The following CHEK2 variants were observed in gnomAD, a reference collection of about 807,000 sequenced individuals.
CHEK2 encodes checkpoint kinase 2.
Under a neutral mutation model 69.1 loss-of-function variants are expected in CHEK2, and 71 were observed. The ratio of observed to expected loss-of-function variants is 1.03; its 90% CI spans 0.85 to 1.25. The LOEUF is 1.25. Among genes scored for constraint, CHEK2 ranks in the 50% most tolerant of loss-of-function variants. The pLI, the probability that CHEK2 is intolerant of heterozygous loss-of-function variation, is 0.00. For synonymous variants in CHEK2, 189 were observed against 226.9 expected, an observed-to-expected ratio of 0.83 and a Z score of 1.50; for missense variants, 664 against 649.6, an observed-to-expected ratio of 1.02 and a Z score of -0.24.
chr22:28,731,313 C>G (rs1455913034), intron 2 of CHEK2, among the ~76,000 whole-genome samples: 1 of 152,060 alleles, frequency 6.6e-6, no homozygotes, highest in African/African-American at 2.4e-5. Context: ...TAATAAACAG[C>G]CTCGGCCAGA....
intron 14 of CHEK2, 85 bp from the exon 15 acceptor site, chr22:28,688,071 G>T: frequency 9.5e-7 from 1 of 1,047,666 alleles, no homozygotes; most frequent in Non-Finnish European, 1.4e-6. Context: ...TATGCTTCCA[G>T]TAAAGTGGGG....
intron 4 of CHEK2, among the ~76,000 whole-genome samples, chr22:28,724,268 T>G (rs2053907453): frequency 6.6e-6 from 1 of 151,314 alleles, no homozygotes; most frequent in African/African-American, 2.4e-5. Flanking sequence ...ATTAGATGGG[T>G]GTGGTGGCAG....
rs1175957439 is a variant in CHEK2 at position 28,687,920 on chromosome 22, C to T, written c.1609G>A (p.Ala537Thr). The T allele has an allele frequency of 6.3e-7, 1 of 1,596,284 alleles. No homozygotes were observed. The highest frequency in any genetic ancestry group is 1.3e-5 in the African/African-American group (1 of 74,848). ...AEGAETTKRP[A>T]VCAAVL ...GTTCACAACACAGCAGCACACACAG[C>T]TGGGCGCTTTGTGGTCTCGGCACCC... Residue 537 changes from alanine to threonine, a missense_variant, in exon 15 of 15, where the codon GCT becomes ACT. By Grantham distance (58) the Ala-to-Thr change is moderately conservative. Coordinates refer to ENST00000404276, the MANE Select transcript of CHEK2 (RefSeq NM_007194.4).
At chr22:28,699,362 C>CT (rs67508991) in intron 9 of CHEK2, among the ~76,000 whole-genome samples, 17,605 of 78,154 alleles carry the variant, frequency 0.23, 2,259 homozygotes, top group East Asian at 0.27. Flanking sequence ...AGAGCTTTTT[C>CT]TTTTTTTTTT....
intron 5 of CHEK2, 92 bp from the exon 6 acceptor site, chr22:28,712,109 G>A (rs541465327): frequency 2.2e-6 from 2 of 900,712 alleles, no homozygotes; most frequent in Admixed American, 1.8e-5. Flanking sequence ...AGAATTTACA[G>A]ACATTCCATA....
At chr22:28,711,402 A>G (rs1241698525) in intron 6 of CHEK2, among the ~76,000 whole-genome samples, 1 of 151,740 alleles carries the variant, frequency 6.6e-6, no homozygotes, top group East Asian at 1.9e-4. Context: ...TGACATGAAA[A>G]CTCAGTCATC....
rs181031014 is a variant in CHEK2 at position 28,722,920 on chromosome 22, G to A, written c.592+2057C>T. On this transcript the variant is annotated intron_variant, in intron 4 of 14. Coordinates refer to ENST00000404276, the MANE Select transcript of CHEK2 (RefSeq NM_007194.4). ...AATCCCTACCAGAATCTGGAGAAGA[G>A]TGCTTATATGAACCTTTATTTTCAA... Among the ~76,000 whole-genome samples, 15 of 152,210 alleles carry A rather than the reference G, an allele frequency of 9.9e-5. No individual in the cohort carries two copies. In the East Asian group the frequency reaches 2.7e-3, roughly 27 times the overall value.
intron 13 of CHEK2, among the ~76,000 whole-genome samples, chr22:28,693,122 G>A (rs1427744173): frequency 1.3e-5 from 2 of 152,172 alleles, no homozygotes; most frequent in Non-Finnish European, 2.9e-5. Flanking sequence ...AAAGGGGCAT[G>A]TCTGTGCTGA....
intron 4 of CHEK2, among the ~76,000 whole-genome samples, chr22:28,724,008 A>G (rs1031912152): frequency 1.3e-5 from 2 of 152,214 alleles, no homozygotes; most frequent in African/African-American, 4.8e-5. Context: ...GGAAGGAAAA[A>G]TGAATTAATG....
chr22:28,703,535 TC>T lies in CHEK2; in HGVS notation c.877del (p.Asp293MetfsTer11). 6.4e-7 allele frequency: 1 copy of T among 1,554,596 alleles called. No homozygotes were observed. Among genetic ancestry groups the T allele is most frequent in the Non-Finnish European group, 8.8e-7 (1 of 1,132,674 alleles). The stretch of plus-strand genomic sequence containing the variant: ...CAAAACAATATAATAATCTTCTGCA[TC>T]AAAAAAGTTTTTAATCTTGATGATG... ...PCIIKIKNFF[D>X]AEDYYIVLEL... On this transcript the variant is annotated frameshift_variant, in exon 8 of 15. Coordinates refer to ENST00000404276, the MANE Select transcript of CHEK2 (RefSeq NM_007194.4). LOFTEE classifies it high-confidence loss of function.
intron 7 of CHEK2, among the ~76,000 whole-genome samples, chr22:28,705,209 G>C (rs867908375): frequency 3.3e-5 from 5 of 151,822 alleles, no homozygotes; most frequent in Middle Eastern, 6.8e-3. Context: ...CTCCCGAGTA[G>C]TTGGGATTAT....
chr22:28,687,962 G>A lies in CHEK2; in HGVS notation c.1567C>T (p.Arg523Cys), dbSNP rs149501505. The change falls in exon 15 of 15, where the codon CGT (arginine) becomes TGT (cysteine). Residue 523 changes from arginine (R) to cysteine (C), a missense_variant. Transcript: ENST00000404276. Reference protein sequence around the residue: ...AQPSTSRKRPREGEAEGAETT... With the variant: ...AQPSTSRKRPCEGEAEGAETT... ...TCGGCACCCTCGGCTTCCCCTTCAC[G>A]GGGCCGCTTTCGACTAGTAGAAGGC... 47 of 1,596,142 alleles carry A rather than the reference G, an allele frequency of 2.9e-5. No homozygotes were observed. The highest frequency in any genetic ancestry group is 5.3e-5 in the African/African-American group (4 of 74,950).
At chr22:28,716,166 C>A (rs545118475) in intron 5 of CHEK2, among the ~76,000 whole-genome samples, 126 of 151,782 alleles carry the variant, frequency 8.3e-4, no homozygotes, top group Middle Eastern at 3.4e-3. Context: ...AGCCACCATA[C>A]CCAGCCTCAT....
At chr22:28,698,182 G>A (rs966209975) in intron 9 of CHEK2, among the ~76,000 whole-genome samples, 1 of 143,698 alleles carries the variant, frequency 7.0e-6, no homozygotes, top group African/African-American at 2.5e-5. Flanking sequence ...TTTGAGGTCA[G>A]GAGTTTCAGA....
chr22:28,690,541 T>A (rs2052320744), intron 13 of CHEK2, among the ~76,000 whole-genome samples: 1 of 148,684 alleles, frequency 6.7e-6, no homozygotes, highest in Non-Finnish European at 1.5e-5. Flanking sequence ...GGCAGGAGAA[T>A]CGCTTGAACT....
chr22:28,722,539 CAAAAA>C (rs755107963), intron 4 of CHEK2, among the ~76,000 whole-genome samples: 2 of 67,928 alleles, frequency 2.9e-5, no homozygotes, highest in African/African-American at 5.6e-5. Flanking sequence ...GACTCCGTCT[CAAAAA>C]AAAAAAAAAA....
At position 28,701,785 on chromosome 22, in the gene CHEK2, G is replaced by T. The variant is rs138623592; in HGVS notation, c.908+1720C>A. Among the ~76,000 whole-genome samples the T allele has an allele frequency of 5.3e-4, 80 of 152,218 alleles. No homozygotes were observed. The East Asian group carries it at 0.015, about 28-fold the overall frequency. Reference sequence around the variant, plus strand: ...ACCTGGTCCTGGATTGAAAGGACCCGCATAGAAAGTCCTACCCAGGTAGAT... The same window carrying T: ...ACCTGGTCCTGGATTGAAAGGACCCTCATAGAAAGTCCTACCCAGGTAGAT... On this transcript the variant is annotated intron_variant, in intron 8 of 14. Transcript: ENST00000404276.
chr22:28,712,984 G>A (rs1244029570), intron 5 of CHEK2, among the ~76,000 whole-genome samples: 1 of 152,094 alleles, frequency 6.6e-6, no homozygotes, highest in Non-Finnish European at 1.5e-5. Flanking sequence ...ACTCTACCCT[G>A]TCCCCAGCAC....
Position 28,698,271 on chromosome 22 carries a change from C to T in CHEK2, c.1009-1284G>A, listed in dbSNP as rs2052672770. 2.1e-5 allele frequency among the ~76,000 whole-genome samples: 3 copies of T among 145,642 alleles called. 1 individual carries two copies. In the South Asian group the frequency reaches 6.7e-4, roughly 33 times the overall value. On this transcript the variant is annotated intron_variant, in intron 9 of 14. Coordinates refer to ENST00000404276, the MANE Select transcript of CHEK2 (RefSeq NM_007194.4). ...AATTAGCTGGACATGGTGGCAGGCA[C>T]CTGTAATCCCAGCTACTGGGTAGGC...
Sources: allele counts gnomAD v4.1 joint callset (sites outside exome capture counted in the v4.1 genomes callset), GRCh38; gene constraint gnomAD v4.1.1; transcripts MANE v1.5; gene names NCBI Gene and HGNC (gene_info 2026-07-23, HGNC 2026-07-21).